SPMIP11: variants seen among roughly 807,000 people sequenced by gnomAD.
SPMIP11 encodes sperm microtubule inner protein 11.
the SPMIP11 span, among the ~76,000 whole-genome samples, chr12:48,735,730 A>C: frequency 1.3e-5 from 2 of 152,186 alleles, no homozygotes; most frequent in East Asian, 3.9e-4. Flanking sequence ...CTAAAAATAC[A>C]AAAATTAGCC....
chr12:48,759,316 G>A, the SPMIP11 span: 2 of 702,868 alleles, frequency 2.8e-6, no homozygotes, highest in African/African-American at 3.5e-5. Context: ...TGTCCGGAAG[G>A]TGTTGTTGAA....
the SPMIP11 span, among the ~76,000 whole-genome samples, chr12:48,769,427 A>C: frequency 2.0e-5 from 3 of 151,266 alleles, no homozygotes. Context: ...AAAAAAAAAA[A>C]AAAAAAACCC....
the SPMIP11 span, among the ~76,000 whole-genome samples, chr12:48,729,261 C>A: frequency 1.1e-4 from 16 of 151,830 alleles, no homozygotes; most frequent in Non-Finnish European, 2.4e-4. Context: ...AAGAGCCGGG[C>A]GCGGTGGCTC....
At chr12:48,752,775 G>A in the SPMIP11 span, among the ~76,000 whole-genome samples, 2 of 150,150 alleles carry the variant, frequency 1.3e-5, no homozygotes, top group Non-Finnish European at 3.0e-5. Flanking sequence ...GGGTTCAAGC[G>A]ATTCTCCTGC....
At chr12:48,727,874 A>C in the SPMIP11 span, among the ~76,000 whole-genome samples, 4 of 152,046 alleles carry the variant, frequency 2.6e-5, no homozygotes, top group Non-Finnish European at 5.9e-5. Flanking sequence ...ACATAGTAAG[A>C]CCACATCTCT....
At chr12:48,755,875 CT>C in the SPMIP11 span, among the ~76,000 whole-genome samples, 49,851 of 101,576 alleles carry the variant, frequency 0.49, 10,881 homozygotes, top group East Asian at 0.63. Context: ...CAGTTTCTTT[CT>C]TTTTTTTTTT....
At chr12:48,733,071 T>TG in the SPMIP11 span, among the ~76,000 whole-genome samples, 1 of 76,400 alleles carries the variant, frequency 1.3e-5, no homozygotes. Flanking sequence ...CACAAGTTAA[T>TG]CTTTTTTTTT....
At chr12:48,743,554 C>T in the SPMIP11 span, among the ~76,000 whole-genome samples, 2 of 152,130 alleles carry the variant, frequency 1.3e-5, no homozygotes, top group Admixed American at 6.6e-5. Context: ...CACCTATAAT[C>T]CTGGCACTTT....
the SPMIP11 span, among the ~76,000 whole-genome samples, chr12:48,730,538 T>C: frequency 1.3e-5 from 2 of 152,262 alleles, no homozygotes; most frequent in African/African-American, 4.8e-5. Context: ...CTACTTATTA[T>C]GCAGTATACC....
At chr12:48,749,496 CG>C in the SPMIP11 span, among the ~76,000 whole-genome samples, 1 of 149,810 alleles carries the variant, frequency 6.7e-6, no homozygotes, top group Non-Finnish European at 1.5e-5. Context: ...GGCATGGTGG[CG>C]TATGCCTGTA....
the SPMIP11 span, chr12:48,736,243 C>G: frequency 3.1e-6 from 1 of 318,456 alleles, no homozygotes; most frequent in Non-Finnish European, 6.2e-6. Flanking sequence ...GTCTCTACCC[C>G]GCAAAAAAAC....
chr12:48,749,485 G>A, the SPMIP11 span, among the ~76,000 whole-genome samples: 4 of 150,960 alleles, frequency 2.6e-5, no homozygotes, highest in Admixed American at 6.6e-5. Context: ...AAAATTAGCC[G>A]GGCATGGTGG....
the SPMIP11 span, among the ~76,000 whole-genome samples, chr12:48,731,416 G>A: frequency 6.6e-5 from 10 of 151,934 alleles, no homozygotes; most frequent in Admixed American, 4.6e-4. Context: ...GCGTGAACCC[G>A]GGAGGCGGAG....
At chr12:48,733,358 AG>A in the SPMIP11 span, among the ~76,000 whole-genome samples, 1 of 152,094 alleles carries the variant, frequency 6.6e-6, no homozygotes, top group Non-Finnish European at 1.5e-5. Context: ...TACAGGTGTG[AG>A]CCACCAAGCC....
the SPMIP11 span, among the ~76,000 whole-genome samples, chr12:48,750,071 G>T: frequency 1.3e-5 from 2 of 151,880 alleles, no homozygotes; most frequent in African/African-American, 2.4e-5. Context: ...ACTGCTTCAG[G>T]CTGGGTGCAG....
the SPMIP11 span, among the ~76,000 whole-genome samples, chr12:48,734,949 G>A: frequency 2.8e-5 from 4 of 143,848 alleles, no homozygotes; most frequent in Admixed American, 7.3e-5. Flanking sequence ...AGCTTGCAGT[G>A]AGCCGAGTAG....
At chr12:48,753,655 G>C in the SPMIP11 span, among the ~76,000 whole-genome samples, 8 of 151,486 alleles carry the variant, frequency 5.3e-5, no homozygotes, top group African/African-American at 1.9e-4. Flanking sequence ...TCCAGCAGAG[G>C]GCACTGTTGT....
the SPMIP11 span, chr12:48,770,736 A>C: frequency 9.4e-6 from 15 of 1,604,148 alleles, no homozygotes; most frequent in African/African-American, 1.3e-5. Context: ...AAGTCCTGGG[A>C]AAACCCGCCA....
At chr12:48,766,093 CAA>C in the SPMIP11 span, 1 of 157,994 alleles carries the variant, frequency 6.3e-6, no homozygotes, top group East Asian at 1.9e-4. Flanking sequence ...TGACCACAGA[CAA>C]GAGGCCCACG....
Sources: allele counts gnomAD v4.1 joint callset (sites outside exome capture counted in the v4.1 genomes callset), GRCh38; gene constraint gnomAD v4.1.1; transcripts MANE v1.5; gene names NCBI Gene and HGNC (gene_info 2026-07-23, HGNC 2026-07-21).